Variants in CNTNAP2 observed in about 807,000 individuals in gnomAD.
CNTNAP2 encodes the protein contactin associated protein 2.
CNTNAP2 carries 98 observed loss-of-function variants against 155.2 expected under a neutral mutation model. The observed-to-expected ratio is 0.63, with a 90% confidence interval of 0.54 to 0.75. The LOEUF is 0.75. CNTNAP2 is among the 30% of genes least tolerant of loss of function. The probability of loss-of-function intolerance (pLI) is 0.00; values close to 1 mark genes in which losing one functional copy is unlikely to be tolerated. For missense variants in CNTNAP2, 1,727 were observed against 1,688.1 expected, an observed-to-expected ratio of 1.02 and a Z score of -0.40; for synonymous variants, 651 against 631.2, an observed-to-expected ratio of 1.03 and a Z score of -0.47.
chr7:146,908,627 G>C (rs1211170373), intron 3 of CNTNAP2, among the ~76,000 whole-genome samples: 5 of 127,220 alleles, frequency 3.9e-5, no homozygotes, highest in African/African-American at 9.6e-5. Context: ...CAACATACCA[G>C]AATCTCTGGG....
At chr7:146,611,822 G>A (rs191221986) in intron 1 of CNTNAP2, among the ~76,000 whole-genome samples, 21 of 152,260 alleles carry the variant, frequency 1.4e-4, no homozygotes, top group Admixed American at 3.3e-4. Context: ...TGATATTCAA[G>A]TAGATCAGCT....
At chr7:148,307,689 T>G (rs1323064794) in intron 21 of CNTNAP2, among the ~76,000 whole-genome samples, 1 of 152,170 alleles carries the variant, frequency 6.6e-6, no homozygotes, top group African/African-American at 2.4e-5. Context: ...ACATAGAGAC[T>G]GGGCATGGTA....
chr7:146,720,957 T>C (rs1801279891), intron 1 of CNTNAP2, among the ~76,000 whole-genome samples: 1 of 125,480 alleles, frequency 8.0e-6, no homozygotes, highest in Non-Finnish European at 1.5e-5. Context: ...ATATTCTATA[T>C]ATATACAGTA....
At chr7:147,650,327 G>A (rs1168851839) in intron 13 of CNTNAP2, among the ~76,000 whole-genome samples, 1 of 151,936 alleles carries the variant, frequency 6.6e-6, no homozygotes, top group East Asian at 1.9e-4. Context: ...TATTTAGCTG[G>A]GTGCTATGAG....
At chr7:146,588,006 A>ATGTGTGTGTGTGTGTGTG in intron 1 of CNTNAP2, among the ~76,000 whole-genome samples, 1 of 148,938 alleles carries the variant, frequency 6.7e-6, no homozygotes, top group South Asian at 2.1e-4. Context: ...CCGTGTGTGT[A>ATGTGTGTGTGTGTGTGTG]TGTGTGTGTG....
chr7:148,245,936 C>T (rs538897813), intron 20 of CNTNAP2, among the ~76,000 whole-genome samples: 9 of 152,314 alleles, frequency 5.9e-5, no homozygotes, highest in Admixed American at 3.3e-4. Flanking sequence ...CATCCCTCTC[C>T]ACCTTCTACT....
chr7:146,791,709 C>G (rs1277828599), intron 2 of CNTNAP2, among the ~76,000 whole-genome samples: 1 of 152,148 alleles, frequency 6.6e-6, no homozygotes, highest in Admixed American at 6.5e-5. Flanking sequence ...TTCTCCTCAG[C>G]AATTTATCAA....
chr7:146,881,177 C>T (rs988675227), intron 3 of CNTNAP2, among the ~76,000 whole-genome samples: 3 of 152,068 alleles, frequency 2.0e-5, no homozygotes, highest in Non-Finnish European at 2.9e-5. Context: ...ATTCCACACA[C>T]GTTACTCTAG....
At chr7:147,623,993 C>T (rs73469000) in intron 12 of CNTNAP2, among the ~76,000 whole-genome samples, 7,374 of 151,968 alleles carry the variant, frequency 0.049, 597 homozygotes, top group African/African-American at 0.17. Flanking sequence ...GACAAAGGTG[C>T]CAAGAACATA....
chr7:146,708,588 A>ATTTTTTTTTTTTTTTTTTTTT (rs71165029), intron 1 of CNTNAP2, among the ~76,000 whole-genome samples: 1 of 63,972 alleles, frequency 1.6e-5, no homozygotes, highest in Non-Finnish European at 2.5e-5. Flanking sequence ...AAAAAAAGTG[A>ATTTTTTTTTTTTTTTTTTTTT]TTTTTTTTTT....
intron 1 of CNTNAP2, among the ~76,000 whole-genome samples, chr7:146,193,375 A>G (rs1798733859): frequency 6.6e-6 from 1 of 152,208 alleles, no homozygotes; most frequent in Admixed American, 6.5e-5. Flanking sequence ...CCACCTGGAC[A>G]TGCAAGGGTT....
chr7:147,150,743 G>C (rs1801809474), intron 8 of CNTNAP2, among the ~76,000 whole-genome samples: 1 of 152,054 alleles, frequency 6.6e-6, no homozygotes, highest in Non-Finnish European at 1.5e-5. Flanking sequence ...CTCCTTATGA[G>C]AAATCTGCTC....
chr7:146,508,671 A>G (rs1017140778), intron 1 of CNTNAP2, among the ~76,000 whole-genome samples: 3 of 152,100 alleles, frequency 2.0e-5, no homozygotes, highest in East Asian at 3.9e-4. Flanking sequence ...AAAACGCTCT[A>G]TACCTTCACC....
intron 22 of CNTNAP2, among the ~76,000 whole-genome samples, chr7:148,394,942 C>A (rs1284185873): frequency 6.6e-6 from 1 of 152,194 alleles, no homozygotes; most frequent in East Asian, 1.9e-4. Flanking sequence ...TTATGATAAT[C>A]TGTCTAATTA....
At chr7:146,351,446 A>G (rs1794913676) in intron 1 of CNTNAP2, among the ~76,000 whole-genome samples, 1 of 152,182 alleles carries the variant, frequency 6.6e-6, no homozygotes, top group South Asian at 2.1e-4. Flanking sequence ...GAATTTCAAA[A>G]CAGCAAAAAT....
intron 8 of CNTNAP2, among the ~76,000 whole-genome samples, chr7:147,248,452 A>C (rs1584818368): frequency 6.6e-6 from 1 of 152,204 alleles, no homozygotes; most frequent in Admixed American, 6.5e-5. Flanking sequence ...GCATGGAGAC[A>C]TTCAAAGACA....
At chr7:146,439,620 A>C (rs1584926313) in intron 1 of CNTNAP2, among the ~76,000 whole-genome samples, 1 of 151,630 alleles carries the variant, frequency 6.6e-6, no homozygotes, top group East Asian at 1.9e-4. Flanking sequence ...CTACTTCTTC[A>C]TATTTGAAGT....
chr7:146,722,677 T>C (rs151145942), intron 1 of CNTNAP2, among the ~76,000 whole-genome samples: 1 of 151,744 alleles, frequency 6.6e-6, no homozygotes, highest in Non-Finnish European at 1.5e-5. Flanking sequence ...TATGGGTTAG[T>C]GTTATGGACT....
intron 17 of CNTNAP2, among the ~76,000 whole-genome samples, chr7:148,164,563 TAA>T (rs1805612757): frequency 6.7e-6 from 1 of 150,082 alleles, no homozygotes; most frequent in South Asian, 2.1e-4. Flanking sequence ...CCACGAATGA[TAA>T]GATAGCAACG....
Sources: gnomAD v4.1 joint callset for allele counts (sites outside exome capture counted in the v4.1 genomes callset) on GRCh38, gnomAD v4.1.1 for gene constraint, MANE v1.5 for transcripts, NCBI Gene and HGNC (gene_info 2026-07-23, HGNC 2026-07-21) for gene names.